PPP2R2B: variants seen among roughly 807,000 people sequenced by gnomAD.
PPP2R2B encodes serine/threonine-protein phosphatase 2A 55 kDa regulatory subunit B beta isoform.
Under a neutral mutation model 46.0 loss-of-function variants are expected in PPP2R2B, and 5 were observed. That is an observed-to-expected ratio of 0.11 (90% CI 0.06 to 0.23). The LOEUF is 0.23. Among genes scored for constraint, PPP2R2B ranks in the 10% least tolerant of loss-of-function variants. PPP2R2B has a pLI of 1.00. For missense variants in PPP2R2B, 367 were observed against 575.0 expected (o/e 0.64, Z 3.70); for synonymous variants, 215 against 206.7 (o/e 1.04, Z -0.34).
At chr5:146,808,969 G>C (rs1470458276) in intron 2 of PPP2R2B, among the ~76,000 whole-genome samples, 1 of 148,670 alleles carries the variant, frequency 6.7e-6, no homozygotes, top group East Asian at 2.0e-4. Context: ...GTGTGTGTGT[G>C]TGTGTGTGTG....
intron 2 of PPP2R2B, among the ~76,000 whole-genome samples, chr5:146,738,255 G>T (rs59852193): frequency 0.083 from 12,517 of 151,646 alleles, 1,176 homozygotes; most frequent in African/African-American, 0.23. Context: ...AATTAGCCGG[G>T]CGTGATGGCG....
In PPP2R2B at chr5:146,973,155, G is replaced by T. The variant is rs530455242; in HGVS notation, c.79+82510C>A. Among the ~76,000 whole-genome samples, 36 of 152,200 alleles carry T rather than the reference G, an allele frequency of 2.4e-4. 1 individual carries two copies. The South Asian group carries it at 3.7e-3, about 16-fold the overall frequency. On this transcript the variant is annotated intron_variant, in intron 1 of 8. Transcript: ENST00000336640. ...TTTATTTAGGTATAAAAATGAGTAG[G>T]ATTTGATTCTTTTTCTTTTTCTTGT...
intron 1 of PPP2R2B, among the ~76,000 whole-genome samples, chr5:147,012,788 CT>C (rs1754805964): frequency 6.6e-6 from 1 of 151,776 alleles, no homozygotes; most frequent in Non-Finnish European, 1.5e-5. Context: ...TGTCTTTGTT[CT>C]CATTGGTTTC....
chr5:146,899,368 G>A (rs552648442), intron 1 of PPP2R2B, among the ~76,000 whole-genome samples: 12 of 147,622 alleles, frequency 8.1e-5, no homozygotes, highest in South Asian at 4.4e-4. Flanking sequence ...GTAAACTATC[G>A]CAAGAACAAA....
At chr5:147,045,224 A>G (rs1225681437) in intron 1 of PPP2R2B, among the ~76,000 whole-genome samples, 1 of 152,224 alleles carries the variant, frequency 6.6e-6, no homozygotes, top group Non-Finnish European at 1.5e-5. Flanking sequence ...CTTAAAATAC[A>G]TTCATGTACT....
intron 2 of PPP2R2B, among the ~76,000 whole-genome samples, chr5:146,726,351 G>T (rs1325781189): frequency 6.6e-6 from 1 of 152,158 alleles, no homozygotes; most frequent in East Asian, 1.9e-4. Context: ...ACAAAGAGTG[G>T]AACACAGGAC....
Position 146,588,345 on chromosome 5 carries a change from A to G in PPP2R2B, c.*1602T>C, listed in dbSNP as rs1770274743. On this transcript the variant is annotated 3_prime_UTR_variant, in exon 10 of 10. Transcript: ENST00000394411. ...TATTAGTAAATGGATAGTAGCTTAG[A>G]ATTGAGATAAAATGATTCTTTCACT... is the stretch of plus-strand genomic sequence containing the variant. 6.6e-6 allele frequency: 1 copy of G among 152,218 alleles called. No individual in the cohort carries two copies. The highest frequency in any genetic ancestry group is 1.5e-5 in the Non-Finnish European group (1 of 68,034). 9.4% of individuals were successfully genotyped at this position (152,218 alleles called of 1,614,324 possible). A position where few individuals can be genotyped will look rare whatever the true frequency, so the allele number is the denominator to read the frequency against.
intron 2 of PPP2R2B, among the ~76,000 whole-genome samples, chr5:146,708,407 ATGTGTGTGTGTGTGTG>A (rs148698250): frequency 7.2e-6 from 1 of 138,640 alleles, no homozygotes; most frequent in Admixed American, 7.1e-5. Context: ...GTGTGTGTGT[ATGTGTGTGTGTGTGTG>A]TGTGTGTGTG....
chr5:147,074,918 G>A (rs1561614827), intron 2 of PPP2R2B, among the ~76,000 whole-genome samples: 1 of 152,106 alleles, frequency 6.6e-6, no homozygotes, highest in East Asian at 1.9e-4. Flanking sequence ...TAGCAAAACA[G>A]AATAAATGCC....
chr5:147,075,755 C>G (rs2151912700), intron 2 of PPP2R2B, among the ~76,000 whole-genome samples: 1 of 152,204 alleles, frequency 6.6e-6, no homozygotes, highest in African/African-American at 2.4e-5. Flanking sequence ...TAGCCTATTG[C>G]CTCCAAAACA....
chr5:146,816,294 A>G (rs1426599558), intron 2 of PPP2R2B, among the ~76,000 whole-genome samples: 1 of 152,058 alleles, frequency 6.6e-6, no homozygotes, highest in African/African-American at 2.4e-5. Context: ...AATTTTAGCT[A>G]CTAGGGAGGC....
At chr5:146,837,270 A>G (rs539963014) in intron 2 of PPP2R2B, among the ~76,000 whole-genome samples, 1 of 152,332 alleles carries the variant, frequency 6.6e-6, no homozygotes, top group South Asian at 2.1e-4. Context: ...TTTGTAGTAG[A>G]TGAGTTGTAG....
At chr5:146,954,336 C>A (rs1009588852) in intron 1 of PPP2R2B, among the ~76,000 whole-genome samples, 16 of 152,090 alleles carry the variant, frequency 1.1e-4, no homozygotes, top group Admixed American at 6.6e-5. Flanking sequence ...ATCAGTTGGA[C>A]CTCCAGAAAA....
chr5:147,021,462 A>G (rs1198844931), intron 1 of PPP2R2B, among the ~76,000 whole-genome samples: 1 of 152,144 alleles, frequency 6.6e-6, no homozygotes, highest in Non-Finnish European at 1.5e-5. Context: ...GCAGTGTGAG[A>G]CTCCACAGGC....
chr5:146,593,122 A>T lies in PPP2R2B; in HGVS notation c.961-60T>A, dbSNP rs564237312. On this transcript the variant is annotated intron_variant, in intron 8 of 9. Transcript: ENST00000394411. ...ATTTTAAACAGTAATTATTTCTGCA[A>T]ACACCTCCTCTTCTGATGTGAGCTG... 1.1e-5 allele frequency: 15 copies of T among 1,317,596 alleles called. No homozygotes were observed. In the African/African-American group the frequency reaches 2.2e-4, roughly 19 times the overall value. The allele number at this position is 1,317,596 out of a possible 1,614,324, so 81.6% of individuals were successfully genotyped here.
Position 146,876,962 on chromosome 5 carries a change from A to G in PPP2R2B, c.70+1040T>C, listed in dbSNP as rs191474863. 2.0e-5 allele frequency among the ~76,000 whole-genome samples: 3 copies of G among 152,372 alleles called. No homozygotes were observed. In the East Asian group the frequency reaches 5.8e-4, roughly 29 times the overall value. On this transcript the variant is annotated intron_variant, in intron 2 of 9. Coordinates refer to ENST00000394411, the MANE Select transcript of PPP2R2B (RefSeq NM_181675.4). The stretch of plus-strand genomic sequence containing the variant: ...AAATATTACAGAAATGTTAGCATCC[A>G]AGAATAATAATTTTAAATTAATACA...
rs575930690 is a variant in PPP2R2B at position 146,867,375 on chromosome 5, G to A, written c.70+10627C>T. On this transcript the variant is annotated intron_variant, in intron 2 of 9. Coordinates refer to ENST00000394411, the MANE Select transcript of PPP2R2B (RefSeq NM_181675.4). ...AAAGGTAAGGTCTTGATTCTTCATC[G>A]GGCCTTTCATTGAAATTAGTAAATT... Among the ~76,000 whole-genome samples the A allele has an allele frequency of 6.6e-5, 10 of 152,074 alleles. No homozygotes were observed. The East Asian group carries it at 7.7e-4, about 12-fold the overall frequency.
At position 146,792,540 on chromosome 5, in the gene PPP2R2B, G is replaced by C. The variant is rs75192875; in HGVS notation, c.70+85462C>G. Among the ~76,000 whole-genome samples the C allele has an allele frequency of 7.7e-3, 1,180 of 152,292 alleles. 18 individuals are homozygous for C. Among genetic ancestry groups the C allele is most frequent in the African/African-American group, 0.027 (1,116 of 41,562 alleles). ...AAACAATAAATAAGTAAGGTATGTA[G>C]TATGTTAGAAGGTGACTATGGGAAA... On this transcript the variant is annotated intron_variant, in intron 2 of 9. Coordinates refer to ENST00000394411, the MANE Select transcript of PPP2R2B (RefSeq NM_181675.4).
rs747667342 is a variant in PPP2R2B, at chr5:146,705,933, C to CTT, written c.71-4793_71-4792dup. Among the ~76,000 whole-genome samples, 849 of 139,446 alleles carry CTT rather than the reference C, an allele frequency of 6.1e-3. 7 individuals carry two copies. Among genetic ancestry groups the CTT allele is most frequent in the African/African-American group, 0.021 (801 of 38,092 alleles). The allele number at this position is 139,446 out of a possible 152,430, so 91.5% of individuals were successfully genotyped here. On this transcript the variant is annotated intron_variant, in intron 2 of 9. Transcript: ENST00000394411. ...TTTCATTTCAGAATATATCTTTTCT[C>CTT]TTTTTTTTTTTTTTGGCAGAGCTAG...
Sources: gnomAD v4.1 joint callset for allele counts (sites outside exome capture counted in the v4.1 genomes callset) on GRCh38, gnomAD v4.1.1 for gene constraint, MANE v1.5 for transcripts, NCBI Gene and HGNC (gene_info 2026-07-23, HGNC 2026-07-21) for gene names.